The following WWTR1 variants were observed in gnomAD, a reference collection of about 807,000 sequenced individuals.
WWTR1 encodes the protein WW domain containing transcription regulator 1.
WWTR1 carries 13 observed loss-of-function variants against 40.1 expected under a neutral mutation model. That is an observed-to-expected ratio of 0.32 (90% CI 0.21 to 0.52). The LOEUF (loss-of-function observed/expected upper bound fraction) is 0.52. Ranked by LOEUF, WWTR1 falls within the 20% of genes least tolerant of loss-of-function variation. The pLI, the probability that WWTR1 is intolerant of heterozygous loss-of-function variation, is 0.97. For synonymous variants in WWTR1, 230 were observed against 210.1 expected (o/e 1.09, Z -0.82); for missense variants, 436 against 523.1 (o/e 0.83, Z 1.63).
rs763327005 is a variant in WWTR1 at position 149,657,000 on chromosome 3, C to T, written c.307G>A (p.Ala103Thr). The T allele has an allele frequency of 1.2e-5, 19 of 1,597,914 alleles. No individual in the cohort carries two copies. The highest frequency in any genetic ancestry group is 1.6e-5 in the Non-Finnish European group (19 of 1,176,638). Residue 103 changes from alanine (A) to threonine (T), a missense_variant, in exon 2 of 7, where the codon GCG (alanine) becomes ACG (threonine). Ala to Thr is a moderately conservative substitution (Grantham distance 58). Coordinates refer to ENST00000360632, the MANE Select transcript of WWTR1 (RefSeq NM_015472.6). The stretch of plus-strand genomic sequence containing the variant: ...GCGTGCTGCTGCGCGGGGCTACCCG[C>T]AGCACCCGCGCCGGTGCCCAGCTGC... ...SLQLGTGAGA[A>T]GSPAQQHAHL...
chr3:149,611,863 T>G (rs746735875), intron 2 of WWTR1, among the ~76,000 whole-genome samples: 5 of 152,264 alleles, frequency 3.3e-5, no homozygotes, highest in African/African-American at 4.8e-5. Context: ...GTTTGTTCAC[T>G]GATTGATTAC....
intron 2 of WWTR1, among the ~76,000 whole-genome samples, chr3:149,666,345 T>C (rs1456933044): frequency 1.3e-5 from 2 of 152,166 alleles, no homozygotes. Flanking sequence ...GACCTGAGTA[T>C]AAGAAAGCCA....
chr3:149,623,063 C>A (rs1200660539), intron 2 of WWTR1, among the ~76,000 whole-genome samples: 1 of 152,098 alleles, frequency 6.6e-6, no homozygotes, highest in Non-Finnish European at 1.5e-5. Flanking sequence ...TCTTAAAAAT[C>A]TTTGAGAATG....
At position 149,700,971 on chromosome 3, in the gene WWTR1, A is replaced by T. The variant is rs191840738; in HGVS notation, c.-108+2153T>A. ...TTTGCAGTCTTTCTACGGAGCAGTG[A>T]TTGTTTTGGATAAAATGACAGCCCA... On this transcript the variant is annotated intron_variant, in intron 1 of 7. Transcript: ENST00000465804. Among the ~76,000 whole-genome samples, 40 of 152,316 alleles carry T rather than the reference A, an allele frequency of 2.6e-4. No homozygotes were observed. The East Asian group carries it at 6.6e-3, about 25-fold the overall frequency.
At chr3:149,652,012 T>TTTTG (rs1712903597) in intron 2 of WWTR1, among the ~76,000 whole-genome samples, 1 of 140,806 alleles carries the variant, frequency 7.1e-6, no homozygotes, top group African/African-American at 2.7e-5. Flanking sequence ...TTTTTTTTTT[T>TTTTG]TTTGTATTTT....
At chr3:149,524,326 G>GCTT (rs1735190011) in intron 6 of WWTR1, among the ~76,000 whole-genome samples, 1 of 30,862 alleles carries the variant, frequency 3.2e-5, no homozygotes, top group African/African-American at 1.2e-4. Context: ...CCTCTTTTAT[G>GCTT]GTTTTTTTTT....
intron 2 of WWTR1, chr3:149,575,920 A>T (rs1737855234): frequency 2.2e-6 from 1 of 454,756 alleles, no homozygotes; most frequent in Non-Finnish European, 4.4e-6. Flanking sequence ...AAGTCCCAGC[A>T]CTCCTGCAGT....
chr3:149,722,213 C>T (rs991690543), intron 4 of WWTR1, among the ~76,000 whole-genome samples: 10 of 151,296 alleles, frequency 6.6e-5, no homozygotes, highest in African/African-American at 2.2e-4. Context: ...TATTATTTTC[C>T]TCTATTCTTC....
chr3:149,698,847 G>C (rs1191907399), intron 1 of WWTR1, among the ~76,000 whole-genome samples: 2 of 152,350 alleles, frequency 1.3e-5, no homozygotes, highest in African/African-American at 2.4e-5. Context: ...AGAACAGCCA[G>C]GATGTGGGGA....
chr3:149,574,599 G>T (rs1737794523), intron 2 of WWTR1, among the ~76,000 whole-genome samples: 1 of 152,126 alleles, frequency 6.6e-6, no homozygotes, highest in Non-Finnish European at 1.5e-5. Context: ...AATCAGTCTA[G>T]AAACTTCCTT....
chr3:149,680,796 C>A (rs1160679881), intron 1 of WWTR1, among the ~76,000 whole-genome samples: 1 of 151,874 alleles, frequency 6.6e-6, no homozygotes, highest in East Asian at 1.9e-4. Context: ...GAGCTATGAC[C>A]ATGCCACTTC....
intron 3 of WWTR1, among the ~76,000 whole-genome samples, chr3:149,565,307 C>T (rs1382062206): frequency 3.4e-5 from 5 of 145,720 alleles, no homozygotes; most frequent in African/African-American, 5.0e-5. Flanking sequence ...TAGCATACTA[C>T]TTTTTTTTTT....
intron 1 of WWTR1, among the ~76,000 whole-genome samples, chr3:149,680,774 T>G (rs567224471): frequency 6.6e-6 from 1 of 151,876 alleles, no homozygotes; most frequent in South Asian, 2.1e-4. Context: ...CCCAGGAGTT[T>G]GGGGCTGCAG....
intron 2 of WWTR1, among the ~76,000 whole-genome samples, chr3:149,588,528 G>A (rs1738541814): frequency 6.6e-6 from 1 of 152,210 alleles, no homozygotes; most frequent in Admixed American, 6.5e-5. Flanking sequence ...CAGTCAGACA[G>A]TGGAAGACTG....
chr3:149,613,131 G>A (rs769785722), intron 2 of WWTR1, among the ~76,000 whole-genome samples: 1 of 152,110 alleles, frequency 6.6e-6, no homozygotes, highest in Non-Finnish European at 1.5e-5. Flanking sequence ...CTCTGCTAGT[G>A]TTTTGTCTTC....
chr3:149,657,081 GC>G lies in WWTR1; in HGVS notation c.225del (p.Pro76LeufsTer45). 1.3e-6 allele frequency: 2 copies of G among 1,568,326 alleles called. No individual in the cohort carries two copies. ...SSTDSSGGHP[G>X]PRLAGGAQHV... ...TGCTGGGCACCCCCAGCCAGTCGAG[GC>G]CCCGGGTGGCCGCCCGACGAGTCGG... On this transcript the variant is annotated frameshift_variant, in exon 2 of 7. Transcript: ENST00000360632. LOFTEE classifies it high-confidence loss of function.
rs1734998396 is a variant in WWTR1, at chr3:149,520,645, CA to C, written c.*159del. On this transcript the variant is annotated 3_prime_UTR_variant, in exon 7 of 7. Coordinates refer to ENST00000360632, the MANE Select transcript of WWTR1 (RefSeq NM_015472.6). ...ATGTTTAACTTAAGTTACTCTCAAT[CA>C]AAACCAGGCAATGATTAAACTGGCA... 9 of 563,910 alleles carry C rather than the reference CA, an allele frequency of 1.6e-5. No homozygotes were observed. In the South Asian group the frequency reaches 5.0e-4, roughly 31 times the overall value. The allele number at this position is 563,910 out of a possible 1,614,324, so 34.9% of individuals were successfully genotyped here.
chr3:149,608,798 A>G (rs1198692772), intron 2 of WWTR1, among the ~76,000 whole-genome samples: 3 of 152,128 alleles, frequency 2.0e-5, no homozygotes, highest in African/African-American at 7.2e-5. Context: ...ACGCGCTATA[A>G]TCTCAGCACT....
intron 2 of WWTR1, among the ~76,000 whole-genome samples, chr3:149,637,983 G>A (rs1711932173): frequency 6.6e-6 from 1 of 152,174 alleles, no homozygotes. Flanking sequence ...TTGGGAGGCT[G>A]AGGTGGTGGA....
Sources: allele counts gnomAD v4.1 joint callset (sites outside exome capture counted in the v4.1 genomes callset), GRCh38; gene constraint gnomAD v4.1.1; transcripts MANE v1.5; gene names NCBI Gene and HGNC (gene_info 2026-07-23, HGNC 2026-07-21).